The following INO80 variants were observed in gnomAD, a reference collection of about 807,000 sequenced individuals.
INO80 encodes chromatin-remodeling ATPase INO80.
INO80 carries 20 observed loss-of-function variants against 203.4 expected under a neutral mutation model. That is an observed-to-expected ratio of 0.10 (90% CI 0.07 to 0.14). INO80 has a LOEUF of 0.14. Ranked by LOEUF, INO80 falls within the 10% of genes least tolerant of loss-of-function variation. The pLI, the probability that INO80 is intolerant of heterozygous loss-of-function variation, is 1.00. For synonymous variants in INO80, 726 were observed against 685.2 expected (o/e 1.06, Z -0.93); for missense variants, 1,419 against 1,914.4 (o/e 0.74, Z 4.83).
At chr15:41,027,866 A>G (rs1021085115) in intron 24 of INO80, 130 bp from the exon 25 acceptor site, 12 of 617,578 alleles carry the variant, frequency 1.9e-5, no homozygotes, top group Middle Eastern at 4.6e-4. Context: ...TAATTCTAAT[A>G]AACAACCACT....
rs1333323674 is a variant in INO80, at chr15:40,983,752, C to A, written c.4237+10G>T. On this transcript the variant is annotated intron_variant, in intron 34 of 35. Transcript: ENST00000648947. ...ACCAGGCCCAAGCTGTACAAGACAG[C>A]AGCAATTACCATTCACGGTATCTGA... The A allele has an allele frequency of 6.2e-7, 1 of 1,611,802 alleles. No homozygotes were observed. Among genetic ancestry groups the A allele is most frequent in the South Asian group, 1.1e-5 (1 of 90,894 alleles).
At chr15:41,058,852 T>C in intron 15 of INO80, 71 bp from the exon 16 acceptor site, 1 of 1,484,058 alleles carries the variant, frequency 6.7e-7, no homozygotes, top group Non-Finnish European at 9.2e-7. Context: ...ATGTATGGAC[T>C]GTTTTTCTAG....
chr15:41,047,342 A>T, intron 23 of INO80, 66 bp downstream of exon 23: 6 of 897,778 alleles, frequency 6.7e-6, no homozygotes, highest in Non-Finnish European at 1.1e-5. Context: ...TTAATTCCAC[A>T]GTATTCAATA....
chr15:41,007,186 T>C lies in INO80; in HGVS notation c.3403-1499A>G, dbSNP rs7169880. The stretch of plus-strand genomic sequence containing the variant: ...AGGCACTCTTTTTTTTTTTTTCTTT[T>C]TTTTTTTTTTTTTTTTAGACACTGT... On this transcript the variant is annotated intron_variant, in intron 27 of 35. Coordinates refer to ENST00000648947, the MANE Select transcript of INO80 (RefSeq NM_017553.3). Among the ~76,000 whole-genome samples the C allele has an allele frequency of 5.8e-3, 402 of 69,688 alleles. 2 individuals carry two copies. Among genetic ancestry groups the C allele is most frequent in the Middle Eastern group, 0.019 (3 of 156 alleles). 45.7% of individuals were successfully genotyped at this position (69,688 alleles called of 152,430 possible). A position where few individuals can be genotyped will look rare whatever the true frequency, so the allele number is the denominator to read the frequency against.
chr15:41,012,265 A>C (rs2044142427), intron 27 of INO80, among the ~76,000 whole-genome samples: 1 of 152,178 alleles, frequency 6.6e-6, no homozygotes, highest in South Asian at 2.1e-4. Context: ...AGTATGCCCA[A>C]CAGCCAAGAT....
intron 1 of INO80, among the ~76,000 whole-genome samples, chr15:41,098,888 A>C (rs1422923197): frequency 6.6e-6 from 1 of 152,126 alleles, no homozygotes. Flanking sequence ...TAGACACATG[A>C]AAAAATGCTA....
At chr15:41,114,500 G>C (rs1358914795) in intron 1 of INO80, among the ~76,000 whole-genome samples, 1 of 151,948 alleles carries the variant, frequency 6.6e-6, no homozygotes, top group African/African-American at 2.4e-5. Flanking sequence ...CTTGAGGTCA[G>C]GAGTTCGAGA....
chr15:41,066,440 A>G (rs2045216882), intron 14 of INO80, among the ~76,000 whole-genome samples: 1 of 151,994 alleles, frequency 6.6e-6, no homozygotes, highest in Non-Finnish European at 1.5e-5. Context: ...TACAGGCATG[A>G]CCCACCAGGC....
chr15:41,003,329 CTTTTCTTTTTTTTTTTTTT>C (rs2043990600), intron 28 of INO80, among the ~76,000 whole-genome samples: 1 of 107,576 alleles, frequency 9.3e-6, no homozygotes, highest in Non-Finnish European at 1.9e-5. Context: ...TTTTTCTTTT[CTTTTCTTTTTTTTTTTTTT>C]GAGATGGAGT....
chr15:40,986,915 G>T (rs941666639), intron 31 of INO80, among the ~76,000 whole-genome samples, 176 bp downstream of exon 31: 1 of 152,326 alleles, frequency 6.6e-6, no homozygotes, highest in East Asian at 1.9e-4. Context: ...TTAGAGGCGT[G>T]AGCCACCATG....
At chr15:40,992,516 T>C (rs2043829459) in intron 29 of INO80, among the ~76,000 whole-genome samples, 1 of 152,230 alleles carries the variant, frequency 6.6e-6, no homozygotes, top group Non-Finnish European at 1.5e-5. Context: ...CTGACATTTT[T>C]AGGTTGATTA....
intron 1 of INO80, among the ~76,000 whole-genome samples, chr15:41,110,834 A>C (rs2045948853): frequency 6.6e-6 from 1 of 152,258 alleles, no homozygotes; most frequent in African/African-American, 2.4e-5. Context: ...ACTTTTCATC[A>C]AGATGGTGAA....
intron 19 of INO80, among the ~76,000 whole-genome samples, chr15:41,051,060 C>G (rs1198728493): frequency 7.0e-6 from 1 of 142,054 alleles, no homozygotes; most frequent in Non-Finnish European, 1.5e-5. Context: ...ACCCGGGAGG[C>G]AGAAGTTGCA....
chr15:41,054,127 G>C, intron 18 of INO80, 113 bp from the exon 19 acceptor site: 1 of 768,680 alleles, frequency 1.3e-6, no homozygotes, highest in Non-Finnish European at 2.1e-6. Flanking sequence ...TTGGCTCAAT[G>C]ATTCTCTAAA....
chr15:41,066,846 C>CAAAAAAAA (rs58118605), intron 14 of INO80, among the ~76,000 whole-genome samples: 1 of 70,620 alleles, frequency 1.4e-5, no homozygotes. Context: ...AAAAAAAAAG[C>CAAAAAAAA]AAAAAAAAAA....
intron 15 of INO80, 56 bp downstream of exon 15, chr15:41,059,811 G>C (rs985368690): frequency 4.4e-6 from 5 of 1,130,438 alleles, no homozygotes; most frequent in Non-Finnish European, 6.5e-6. Context: ...ACATCAATTA[G>C]AGAAATAATG....
At chr15:41,110,598 C>T (rs1055724209) in intron 1 of INO80, among the ~76,000 whole-genome samples, 4 of 152,034 alleles carry the variant, frequency 2.6e-5, no homozygotes, top group Admixed American at 6.6e-5. Flanking sequence ...ACCACCACAC[C>T]CGGCTAATTT....
chr15:41,089,719 G>A (rs1409527867), intron 5 of INO80, among the ~76,000 whole-genome samples: 2 of 151,518 alleles, frequency 1.3e-5, no homozygotes, highest in African/African-American at 4.8e-5. Context: ...CTCGAGCCTG[G>A]GCAACAAAAG....
rs369185302 is a variant in INO80 at position 41,036,156 on chromosome 15, GAAAAAAAAAAAAAAAA to G, written c.2908-8436_2908-8421del. Among the ~76,000 whole-genome samples, 31 of 32,142 alleles carry G rather than the reference GAAAAAAAAAAAAAAAA, an allele frequency of 9.6e-4. 2 individuals are homozygous for G. Among genetic ancestry groups the G allele is most frequent in the Middle Eastern group, 0.038 (1 of 26 alleles). The allele number at this position is 32,142 out of a possible 152,430, so 21.1% of individuals were successfully genotyped here. A position where few individuals can be genotyped will look rare whatever the true frequency, so the allele number is the denominator to read the frequency against. The stretch of plus-strand genomic sequence containing the variant: ...GGGCAACAGAGTGCAACTCTCTCTC[GAAAAAAAAAAAAAAAA>G]AAAAAAAAAAAAACCCAAAAAAACC... On this transcript the variant is annotated intron_variant, in intron 24 of 35. Coordinates refer to ENST00000648947, the MANE Select transcript of INO80 (RefSeq NM_017553.3).
Sources: allele counts gnomAD v4.1 joint callset (sites outside exome capture counted in the v4.1 genomes callset), GRCh38; gene constraint gnomAD v4.1.1; transcripts MANE v1.5; gene names NCBI Gene and HGNC (gene_info 2026-07-23, HGNC 2026-07-21).